Variants in ANKS1B observed in about 807,000 individuals in gnomAD.
ANKS1B encodes the protein ankyrin repeat and sterile alpha motif domain-containing protein 1B.
A neutral mutation model predicts 148.3 loss-of-function variants in ANKS1B; 36 were observed. The ratio of observed to expected loss-of-function variants is 0.24; its 90% CI spans 0.19 to 0.32. The LOEUF (loss-of-function observed/expected upper bound fraction) is 0.32. Among genes scored for constraint, ANKS1B ranks in the 10% least tolerant of loss-of-function variants. The pLI, the probability that ANKS1B is intolerant of heterozygous loss-of-function variation, is 1.00. For missense variants in ANKS1B, 1,157 were observed against 1,542.6 expected, an observed-to-expected ratio of 0.75 and a Z score of 4.19; for synonymous variants, 542 against 560.8, an observed-to-expected ratio of 0.97 and a Z score of 0.47.
chr12:99,206,750 A>T (rs930973336), intron 14 of ANKS1B, among the ~76,000 whole-genome samples: 2 of 152,158 alleles, frequency 1.3e-5, no homozygotes, highest in Non-Finnish European at 2.9e-5. Flanking sequence ...TGGAGTCAGT[A>T]ATGTAGTTAA....
chr12:98,885,498 A>G (rs528951902), intron 17 of ANKS1B, among the ~76,000 whole-genome samples: 3 of 152,344 alleles, frequency 2.0e-5, no homozygotes, highest in South Asian at 2.1e-4. Flanking sequence ...ATGTGCAATG[A>G]AAGAAGAAGA....
intron 9 of ANKS1B, among the ~76,000 whole-genome samples, chr12:99,588,218 C>T (rs879375320): frequency 6.6e-6 from 1 of 151,754 alleles, no homozygotes; most frequent in Admixed American, 6.6e-5. Flanking sequence ...TTGAGCTAAA[C>T]ACTCTTAGAA....
At chr12:99,632,727 CTATATATATATA>C (rs3081654) in intron 9 of ANKS1B, among the ~76,000 whole-genome samples, 3,883 of 39,022 alleles carry the variant, frequency 0.1, 426 homozygotes, top group East Asian at 0.3. Flanking sequence ...CCTTTTCTTT[CTATATATATATA>C]TATATATATA....
At chr12:99,780,212 T>C (rs2064118709) in intron 5 of ANKS1B, among the ~76,000 whole-genome samples, 1 of 152,170 alleles carries the variant, frequency 6.6e-6, no homozygotes, top group African/African-American at 2.4e-5. Context: ...AGGAACATTC[T>C]TGATCATCAA....
At chr12:98,799,596 C>T (rs763729304) in intron 21 of ANKS1B, among the ~76,000 whole-genome samples, 4 of 151,918 alleles carry the variant, frequency 2.6e-5, no homozygotes, top group Non-Finnish European at 2.9e-5. Context: ...GTTCCTGGTG[C>T]GAAGTGCCAC....
chr12:99,242,279 A>G (rs1468038040), intron 14 of ANKS1B, among the ~76,000 whole-genome samples: 2 of 152,216 alleles, frequency 1.3e-5, no homozygotes, highest in Admixed American at 1.3e-4. Flanking sequence ...AACATGAGTG[A>G]ACTCCCATTC....
chr12:99,172,492 C>A (rs1218451959), intron 14 of ANKS1B, among the ~76,000 whole-genome samples: 2 of 152,118 alleles, frequency 1.3e-5, no homozygotes, highest in Non-Finnish European at 1.5e-5. Context: ...TGCAGAGGGG[C>A]CTCCAAATAT....
chr12:99,159,135 A>G (rs1247500271), intron 14 of ANKS1B, among the ~76,000 whole-genome samples: 3 of 152,196 alleles, frequency 2.0e-5, no homozygotes, highest in Admixed American at 2.0e-4. Context: ...TGCCTGGAAG[A>G]GTGGCTCAAC....
chr12:99,806,079 T>C (rs939566850), intron 4 of ANKS1B, among the ~76,000 whole-genome samples: 8 of 152,242 alleles, frequency 5.3e-5, no homozygotes, highest in African/African-American at 1.9e-4. Flanking sequence ...ATTCATTCAT[T>C]AAACTCTGAC....
chr12:98,883,022 A>G lies in ANKS1B; in HGVS notation c.2779-50886T>C, dbSNP rs143152500. ...ATTAATTTTTTATTTGTACTCTTTC[A>G]CAGACAAAGGAATTTCAACCAGATC... On this transcript the variant is annotated intron_variant, in intron 17 of 26. Transcript: ENST00000683438. Among the ~76,000 whole-genome samples the G allele has an allele frequency of 3.3e-5, 5 of 152,310 alleles. No individual in the cohort carries two copies. The East Asian group carries it at 7.7e-4, about 23-fold the overall frequency.
chr12:99,344,175 C>T (rs1221770345), intron 12 of ANKS1B, among the ~76,000 whole-genome samples: 2 of 151,928 alleles, frequency 1.3e-5, no homozygotes, highest in African/African-American at 2.4e-5. Context: ...GAACTCTATG[C>T]CCTAGCTACA....
At chr12:99,538,015 T>C (rs751616870) in intron 9 of ANKS1B, among the ~76,000 whole-genome samples, 27 of 152,176 alleles carry the variant, frequency 1.8e-4, no homozygotes, top group Non-Finnish European at 3.2e-4. Context: ...GAAGAGACTG[T>C]CTTTTCCCCA....
chr12:98,987,418 G>A (rs1162873293), intron 17 of ANKS1B, among the ~76,000 whole-genome samples: 1 of 152,036 alleles, frequency 6.6e-6, no homozygotes, highest in Non-Finnish European at 1.5e-5. Context: ...TACATGGCAA[G>A]TAAAACAGAT....
In ANKS1B at chr12:99,011,726, T is replaced by C. The variant is rs2099939544; in HGVS notation, c.2778+41431A>G. On this transcript the variant is annotated intron_variant, in intron 17 of 26. Coordinates refer to ENST00000683438, the MANE Select transcript of ANKS1B (RefSeq NM_001352186.2). ...AAAAACAAAGGACTTATAAGAAAAA[T>C]AGGGTTGGGGCACAATAGTCACAAA... Among the ~76,000 whole-genome samples, 3 of 152,006 alleles carry C rather than the reference T, an allele frequency of 2.0e-5. No individual in the cohort carries two copies. The South Asian group carries it at 6.2e-4, about 32-fold the overall frequency.
intron 8 of ANKS1B, among the ~76,000 whole-genome samples, chr12:99,757,613 A>G (rs917688804): frequency 2.0e-5 from 3 of 152,110 alleles, no homozygotes; most frequent in Non-Finnish European, 4.4e-5. Flanking sequence ...AATAAAAATC[A>G]TTCTATTATA....
At chr12:99,481,163 G>T (rs116793792) in intron 10 of ANKS1B, among the ~76,000 whole-genome samples, 5,247 of 151,604 alleles carry the variant, frequency 0.035, 118 homozygotes, top group South Asian at 0.082. Flanking sequence ...TGTGTAGTTT[G>T]TTTTTTTATC....
intron 17 of ANKS1B, among the ~76,000 whole-genome samples, chr12:98,869,627 A>G (rs1023104957): frequency 6.6e-6 from 1 of 152,084 alleles, no homozygotes; most frequent in Non-Finnish European, 1.5e-5. Flanking sequence ...TTTTTGCAAT[A>G]TTCTCATTTT....
At chr12:98,742,335 C>T (rs1453819637), downstream of ANKS1B, among the ~76,000 whole-genome samples, 1 of 151,884 alleles carries the variant, frequency 6.6e-6, no homozygotes, top group East Asian at 1.9e-4. Flanking sequence ...AAGTTAAATG[C>T]CCATGCAGCT....
intron 10 of ANKS1B, among the ~76,000 whole-genome samples, chr12:99,495,505 C>T (rs916587320): frequency 1.3e-5 from 2 of 152,162 alleles, no homozygotes; most frequent in South Asian, 2.1e-4. Flanking sequence ...CCTTCAGGTA[C>T]TGCTTTCCTT....
Sources: allele counts gnomAD v4.1 joint callset (sites outside exome capture counted in the v4.1 genomes callset), GRCh38; gene constraint gnomAD v4.1.1; transcripts MANE v1.5; gene names NCBI Gene and HGNC (gene_info 2026-07-23, HGNC 2026-07-21).